The following JADE2 variants were observed in gnomAD, a reference collection of about 807,000 sequenced individuals.
JADE2 encodes E3 ubiquitin-protein ligase Jade-2.
JADE2 carries 13 observed loss-of-function variants against 85.7 expected under a neutral mutation model. The ratio of observed to expected loss-of-function variants is 0.15; its 90% CI spans 0.10 to 0.24. The LOEUF is 0.24. Ranked by LOEUF, JADE2 falls within the 10% of genes least tolerant of loss-of-function variation. The pLI, the probability that JADE2 is intolerant of heterozygous loss-of-function variation, is 1.00. For synonymous variants in JADE2, 440 were observed against 456.1 expected, an observed-to-expected ratio of 0.96 and a Z score of 0.45; for missense variants, 846 against 1,115.9, an observed-to-expected ratio of 0.76 and a Z score of 3.45.
chr5:134,582,021 G>A lies in JADE2; in HGVS notation c.*2704G>A, dbSNP rs1764737213. 6.6e-6 allele frequency: 1 copy of A among 152,182 alleles called. No individual in the cohort carries two copies. The highest frequency in any genetic ancestry group is 6.6e-5 in the Admixed American group (1 of 15,258). 9.4% of individuals were successfully genotyped at this position (152,182 alleles called of 1,614,324 possible). A position where few individuals can be genotyped will look rare whatever the true frequency, so the allele number is the denominator to read the frequency against. On this transcript the variant is annotated 3_prime_UTR_variant, in exon 12 of 12. Transcript: ENST00000681547. Reference sequence around the variant, plus strand: ...AGGTTCCTTTTCCAGGTCAGAGGTGGAGGTAGATCTTTCTCTCAACCACAT... The same window carrying A: ...AGGTTCCTTTTCCAGGTCAGAGGTGAAGGTAGATCTTTCTCTCAACCACAT...
chr5:134,557,278 T>A (rs79697128), intron 4 of JADE2, among the ~76,000 whole-genome samples: 1 of 23,970 alleles, frequency 4.2e-5, no homozygotes. Flanking sequence ...ATTTTTTTTT[T>A]TATTTTTTTT....
chr5:134,563,124 C>G (rs1763426366), intron 7 of JADE2, among the ~76,000 whole-genome samples: 1 of 152,032 alleles, frequency 6.6e-6, no homozygotes, highest in African/African-American at 2.4e-5. Flanking sequence ...TCAAGACCAG[C>G]CTGGCCAACA....
chr5:134,565,567 A>G (rs329314), intron 8 of JADE2, among the ~76,000 whole-genome samples: 111,177 of 152,076 alleles, frequency 0.73, 41,159 homozygotes, highest in Non-Finnish European at 0.76. Context: ...GCTTGAGGCC[A>G]GGCACGGTGG....
intron 3 of JADE2, among the ~76,000 whole-genome samples, chr5:134,545,259 C>A (rs1424462919): frequency 2.0e-5 from 3 of 152,154 alleles, no homozygotes; most frequent in Admixed American, 6.5e-5. Flanking sequence ...GGATCCACTT[C>A]TATAGTTGGA....
At chr5:134,557,080 A>G (rs960795763) in intron 4 of JADE2, among the ~76,000 whole-genome samples, 18 of 125,970 alleles carry the variant, frequency 1.4e-4, no homozygotes, top group Non-Finnish European at 2.7e-4. Context: ...CACACACACC[A>G]CACAAACACA....
chr5:134,551,537 T>TTTTTTTAA, intron 3 of JADE2, among the ~76,000 whole-genome samples: 1 of 151,754 alleles, frequency 6.6e-6, no homozygotes, highest in Non-Finnish European at 1.5e-5. Flanking sequence ...CCCTTTTTTT[T>TTTTTTTAA]TTTTTTAATT....
chr5:134,529,788 C>T (rs564804384), intron 1 of JADE2, among the ~76,000 whole-genome samples: 13 of 152,320 alleles, frequency 8.5e-5, no homozygotes, highest in Admixed American at 7.8e-4. Flanking sequence ...AGCGAGTAGA[C>T]GGAGCTCTGC....
At chr5:134,554,808 T>C (rs1762812846) in intron 4 of JADE2, among the ~76,000 whole-genome samples, 1 of 152,228 alleles carries the variant, frequency 6.6e-6, no homozygotes, top group South Asian at 2.1e-4. Context: ...AGCCCTCATC[T>C]GGAAGGCTGC....
intron 3 of JADE2, among the ~76,000 whole-genome samples, chr5:134,549,195 G>C (rs1428773154): frequency 2.0e-5 from 3 of 152,308 alleles, no homozygotes; most frequent in Non-Finnish European, 4.4e-5. Context: ...CTCAGTTGGT[G>C]ATCAGGAAGG....
intron 1 of JADE2, among the ~76,000 whole-genome samples, chr5:134,527,142 C>CT (rs1760895499): frequency 6.6e-6 from 1 of 151,872 alleles, no homozygotes; most frequent in Non-Finnish European, 1.5e-5. Flanking sequence ...GCTGCAGTCC[C>CT]TTTGCCGGAT....
chr5:134,531,375 A>G (rs1271902531), intron 1 of JADE2, among the ~76,000 whole-genome samples: 1 of 152,186 alleles, frequency 6.6e-6, no homozygotes, highest in African/African-American at 2.4e-5. Context: ...CTTTTGATCT[A>G]TGAAGCCTTT....
chr5:134,566,562 G>T lies in JADE2; in HGVS notation c.1416G>T (p.Leu472=). 1 of 1,564,474 alleles carries T rather than the reference G, an allele frequency of 6.4e-7. No homozygotes were observed. The highest frequency in any genetic ancestry group is 8.7e-7 in the Non-Finnish European group (1 of 1,154,116). Residue 472 remains leucine, a synonymous_variant, in exon 9 of 12, where the codon CTG becomes CTT. Transcript: ENST00000681547. The surrounding 1 kb of genome is among the most constrained non-coding windows in gnomAD (Gnocchi z 6.7). The part of the protein sequence containing the change: ...LYRRLKLFTH[L]RQDLERVRNL... ...GCCGCCTGAAGCTCTTCACCCATCT[G>T]CGGCAGGACCTAGAGAGGGTGAGTC...
At chr5:134,559,748 C>A in intron 4 of JADE2, 82 bp from the exon 5 acceptor site, 1 of 1,417,928 alleles carries the variant, frequency 7.1e-7, no homozygotes, top group Non-Finnish European at 9.5e-7. Context: ...AGCTCCTGAG[C>A]TGGACTGGTC....
At position 134,566,040 on chromosome 5, in the gene JADE2, T is replaced by A; in HGVS notation, c.970-76T>A. The A allele has an allele frequency of 7.0e-6, 9 of 1,288,564 alleles. No individual in the cohort carries two copies. Among genetic ancestry groups the A allele is most frequent in the Non-Finnish European group, 5.5e-6 (5 of 908,192 alleles). The allele number at this position is 1,288,564 out of a possible 1,614,324, so 79.8% of individuals were successfully genotyped here. Reference sequence around the variant, plus strand: ...GCATTGCGCATTCTCAGTAGAGCCCTGGGGGAAGCCCCTCTGTCTTCTCCC... The same window carrying A: ...GCATTGCGCATTCTCAGTAGAGCCCAGGGGGAAGCCCCTCTGTCTTCTCCC... On this transcript the variant is annotated intron_variant, in intron 8 of 11. Coordinates refer to ENST00000681547, the MANE Select transcript of JADE2 (RefSeq NM_001388185.1). This position sits in a 1 kb window ranked among gnomAD's most constrained non-coding sequence, Gnocchi z 6.7.
chr5:134,545,422 T>A (rs772081368), intron 3 of JADE2, among the ~76,000 whole-genome samples: 14 of 152,026 alleles, frequency 9.2e-5, no homozygotes, highest in Non-Finnish European at 2.1e-4. Context: ...TTTTTTTTTT[T>A]TAAGTGTCTT....
intron 1 of JADE2, among the ~76,000 whole-genome samples, chr5:134,527,266 C>T (rs1294196141): frequency 6.6e-6 from 1 of 152,130 alleles, no homozygotes; most frequent in Non-Finnish European, 1.5e-5. Context: ...CGCCCGCCCG[C>T]CTCCTCCCCG....
At chr5:134,560,683 C>A in intron 5 of JADE2, 63 bp from the exon 6 acceptor site, 1 of 1,431,036 alleles carries the variant, frequency 7.0e-7, no homozygotes, top group East Asian at 2.4e-5. Context: ...GAGCCAAGTC[C>A]TCTTCAAAGC....
intron 3 of JADE2, among the ~76,000 whole-genome samples, chr5:134,551,298 G>T (rs887272569): frequency 1.2e-4 from 19 of 152,074 alleles, no homozygotes; most frequent in Admixed American, 3.9e-4. Context: ...GTGCAATCAT[G>T]GCTCACTGCA....
At position 134,566,431 on chromosome 5, in the gene JADE2, C is replaced by G. The variant is rs1411039309; in HGVS notation, c.1285C>G (p.Gln429Glu). Residue 429 changes from glutamine (Q) to glutamate (E), a missense_variant, in exon 9 of 12, where the codon CAG becomes GAG. Physicochemically the swap from Gln to Glu is conservative, Grantham distance 29. Around this residue, in one of 9 missense-constraint regions of JADE2, gnomAD observed 88 missense variants for 140.6 expected, o/e 0.63. Coordinates refer to ENST00000681547, the MANE Select transcript of JADE2 (RefSeq NM_001388185.1). The surrounding 1 kb of genome is among the most constrained non-coding windows in gnomAD (Gnocchi z 6.7). ...TGAGGCACTGGTCGACTTCATCTAC[C>G]AGTACTGGAAGCTGAAGAGGAAAGC... ...LAEALVDFIYQYWKLKRKANA... is the reference protein window; with the variant it reads ...LAEALVDFIYEYWKLKRKANA... 6.2e-7 allele frequency: 1 copy of G among 1,613,966 alleles called. No individual in the cohort carries two copies. Among genetic ancestry groups the G allele is most frequent in the South Asian group, 1.1e-5 (1 of 91,078 alleles).
Sources: allele counts gnomAD v4.1 joint callset (sites outside exome capture counted in the v4.1 genomes callset), GRCh38; gene constraint gnomAD v4.1.1; regional missense constraint gnomAD v4.1.1; non-coding constraint Gnocchi (gnomAD v3.1); transcripts MANE v1.5; gene names NCBI Gene and HGNC (gene_info 2026-07-23, HGNC 2026-07-21).